Variants in TNIK observed in about 807,000 individuals in gnomAD.
TNIK encodes the protein TRAF2 and NCK interacting kinase, also known as TRAF2 and NCK-interacting protein kinase.
A neutral mutation model predicts 191.3 loss-of-function variants in TNIK; 49 were observed. That is an observed-to-expected ratio of 0.26 (90% CI 0.20 to 0.32). The LOEUF is 0.32. Ranked by LOEUF, TNIK falls within the 10% of genes least tolerant of loss-of-function variation. The pLI, the probability that TNIK is intolerant of heterozygous loss-of-function variation, is 1.00. For missense variants in TNIK, 1,155 were observed against 1,702.3 expected, an observed-to-expected ratio of 0.68 and a Z score of 5.66; for synonymous variants, 594 against 600.9, an observed-to-expected ratio of 0.99 and a Z score of 0.17.
intron 18 of TNIK, among the ~76,000 whole-genome samples, chr3:171,116,829 T>C (rs1212653695): frequency 2.6e-5 from 4 of 152,268 alleles, no homozygotes; most frequent in Admixed American, 1.3e-4. Flanking sequence ...TATTTTAAAA[T>C]GGTCCAATCA....
chr3:171,298,896 T>C (rs1185741937), intron 2 of TNIK, among the ~76,000 whole-genome samples: 2 of 152,212 alleles, frequency 1.3e-5, no homozygotes, highest in Non-Finnish European at 2.9e-5. Context: ...CTTCTTCCCA[T>C]GCTGATAGAT....
In TNIK at chr3:171,460,001, G is replaced by A. The variant is rs746012511; in HGVS notation, c.57+6C>T. The A allele has an allele frequency of 4.4e-6, 7 of 1,607,582 alleles. No homozygotes were observed. The East Asian group carries it at 1.1e-4, about 26-fold the overall frequency. On this transcript the variant is annotated splice_donor_region_variant and intron_variant, in intron 1 of 32. Coordinates refer to ENST00000436636, the MANE Select transcript of TNIK (RefSeq NM_015028.4). The surrounding 1 kb of genome is among the most constrained non-coding windows in gnomAD (Gnocchi z 6.8). ...CTGGAAAGAAACCAGAAAACGTCCT[G>A]CTCACCCTCAGAGCCGAGAGATCTA... is the stretch of plus-strand genomic sequence containing the variant.
intron 2 of TNIK, among the ~76,000 whole-genome samples, chr3:171,263,880 C>CCTTT: frequency 6.6e-6 from 1 of 151,898 alleles, no homozygotes; most frequent in Non-Finnish European, 1.5e-5. Context: ...AGAGGCCTGG[C>CCTTT]ACACTGGCAG....
At chr3:171,223,778 A>G (rs746892431) in intron 3 of TNIK, among the ~76,000 whole-genome samples, 54 of 152,194 alleles carry the variant, frequency 3.5e-4, no homozygotes, top group Non-Finnish European at 5.4e-4. Context: ...TCTTTTTGAT[A>G]GGAATATAAA....
intron 1 of TNIK, among the ~76,000 whole-genome samples, chr3:171,459,668 G>C (rs1383219921): frequency 2.7e-5 from 2 of 73,524 alleles, no homozygotes; most frequent in Non-Finnish European, 5.6e-5. Flanking sequence ...CAACTGCCCG[G>C]GGCGTGTACA....
intron 2 of TNIK, among the ~76,000 whole-genome samples, chr3:171,290,023 A>T (rs1751505095): frequency 6.6e-6 from 1 of 152,160 alleles, no homozygotes; most frequent in African/African-American, 2.4e-5. Context: ...TCCTCTGCAC[A>T]GTGGAAAAAA....
chr3:171,280,490 G>A (rs866298850), intron 2 of TNIK, among the ~76,000 whole-genome samples: 2 of 152,304 alleles, frequency 1.3e-5, no homozygotes, highest in Middle Eastern at 6.8e-3. Context: ...GTAAGGAAAT[G>A]TGCTAACATG....
intron 2 of TNIK, among the ~76,000 whole-genome samples, chr3:171,368,130 T>C (rs893880259): frequency 6.6e-6 from 1 of 152,236 alleles, no homozygotes; most frequent in African/African-American, 2.4e-5. Context: ...TTGAATCTCT[T>C]GGTATCTCCT....
intron 2 of TNIK, among the ~76,000 whole-genome samples, chr3:171,327,779 G>A (rs1237901972): frequency 6.6e-6 from 1 of 151,842 alleles, no homozygotes; most frequent in Non-Finnish European, 1.5e-5. Flanking sequence ...ATAAAGGAAG[G>A]TGTAACGGGT....
At chr3:171,158,263 T>G (rs1042932924) in intron 11 of TNIK, among the ~76,000 whole-genome samples, 3 of 152,234 alleles carry the variant, frequency 2.0e-5, no homozygotes, top group Non-Finnish European at 4.4e-5. Flanking sequence ...GTACCACACT[T>G]AAAGGGCTTG....
intron 1 of TNIK, among the ~76,000 whole-genome samples, chr3:171,428,544 T>C (rs775510686): frequency 8.5e-5 from 13 of 152,194 alleles, no homozygotes; most frequent in Non-Finnish European, 1.6e-4. Flanking sequence ...TCTCTCTTAA[T>C]GCTCGACACT....
chr3:171,273,685 G>A (rs1364027621), intron 2 of TNIK, among the ~76,000 whole-genome samples: 1 of 152,134 alleles, frequency 6.6e-6, no homozygotes, highest in Non-Finnish European at 1.5e-5. Flanking sequence ...AACTCTGAGA[G>A]TCTCAAAACT....
chr3:171,382,194 A>C (rs1437478092), intron 1 of TNIK, among the ~76,000 whole-genome samples: 2 of 147,552 alleles, frequency 1.4e-5, no homozygotes, highest in African/African-American at 4.9e-5. Flanking sequence ...TAGAGGTGGC[A>C]GTCTCTAAGG....
intron 2 of TNIK, among the ~76,000 whole-genome samples, chr3:171,254,787 C>T (rs1006983855): frequency 6.6e-6 from 1 of 152,134 alleles, no homozygotes; most frequent in Non-Finnish European, 1.5e-5. Context: ...AATAGCGACT[C>T]GTTCCTTTAA....
At chr3:171,384,705 A>T (rs1718499999) in intron 1 of TNIK, among the ~76,000 whole-genome samples, 2 of 152,260 alleles carry the variant, frequency 1.3e-5, no homozygotes, top group South Asian at 4.1e-4. Context: ...TTATGGCATG[A>T]GCTGGCCCTC....
intron 2 of TNIK, among the ~76,000 whole-genome samples, chr3:171,330,945 G>GA (rs1186328397): frequency 1.3e-4 from 20 of 152,118 alleles, no homozygotes; most frequent in Non-Finnish European, 2.9e-4. Flanking sequence ...AAATATAGGG[G>GA]AAAAAGACAT....
chr3:171,266,279 T>C (rs988088222), intron 2 of TNIK, among the ~76,000 whole-genome samples: 3 of 152,162 alleles, frequency 2.0e-5, no homozygotes, highest in African/African-American at 4.8e-5. Flanking sequence ...AGGAATTAAA[T>C]TGTCATTCAC....
chr3:171,093,863 T>A lies in TNIK; in HGVS notation c.2697A>T (p.Arg899Ser). The A allele has an allele frequency of 6.2e-7, 1 of 1,613,868 alleles. No individual in the cohort carries two copies. The highest frequency in any genetic ancestry group is 1.1e-5 in the South Asian group (1 of 91,060). ...CCTCTCTAATCATCAAGGTTCCTTC[T>A]CTTGAAATACTGCCGCTGAAACTGT... ...HADSFSGSIS[R>S]EGTLMIRETS... is the part of the protein sequence containing the mutation. Residue 899 changes from arginine to serine, a missense_variant, in exon 23 of 33, where the codon AGA becomes AGT. Arg to Ser is a moderately radical substitution (Grantham distance 110). Coordinates refer to ENST00000436636, the MANE Select transcript of TNIK (RefSeq NM_015028.4).
rs1297993017 is a variant in TNIK at position 171,159,640 on chromosome 3, T to C, written c.1016+1630A>G. On this transcript the variant is annotated intron_variant, in intron 11 of 32. Coordinates refer to ENST00000436636, the MANE Select transcript of TNIK (RefSeq NM_015028.4). The surrounding 1 kb of genome is among the most constrained non-coding windows in gnomAD (Gnocchi z 4.1). The stretch of plus-strand genomic sequence containing the variant: ...CACGAGGATGCTCCATTAATATTAA[T>C]TGATATTGAATCAATGTCAGAAGAT... 6.6e-6 allele frequency among the ~76,000 whole-genome samples: 1 copy of C among 152,192 alleles called. No homozygotes were observed. The highest frequency in any genetic ancestry group is 2.4e-5 in the African/African-American group (1 of 41,448).
Sources: gnomAD v4.1 joint callset for allele counts (sites outside exome capture counted in the v4.1 genomes callset) on GRCh38, gnomAD v4.1.1 for gene constraint, Gnocchi (gnomAD v3.1) non-coding constraint, MANE v1.5 for transcripts, NCBI Gene and HGNC (gene_info 2026-07-23, HGNC 2026-07-21) for gene names.